DENND2B: variants seen among roughly 807,000 people sequenced by gnomAD.
The protein encoded by DENND2B is DENN domain-containing protein 2B.
DENND2B carries 32 observed loss-of-function variants against 116.0 expected under a neutral mutation model. That is an observed-to-expected ratio of 0.28 (90% confidence interval 0.21 to 0.37). The LOEUF is 0.37. Among genes scored for constraint, DENND2B ranks in the 10% least tolerant of loss-of-function variants. The probability of loss-of-function intolerance (pLI) is 1.00; values close to 1 mark genes in which losing one functional copy is unlikely to be tolerated. For synonymous variants in DENND2B, 588 were observed against 583.9 expected (o/e 1.01, Z -0.10); for missense variants, 1,276 against 1,477.7 (o/e 0.86, Z 2.24).
chr11:8,874,192 C>T (rs1333170506), upstream of DENND2B, among the ~76,000 whole-genome samples: 1 of 152,206 alleles, frequency 6.6e-6, no homozygotes, highest in Admixed American at 6.5e-5. Flanking sequence ...GGTCTTCTGT[C>T]AGTCTAATGA....
chr11:8,896,134 T>G (rs967994387), intron 1 of DENND2B, among the ~76,000 whole-genome samples: 2 of 152,138 alleles, frequency 1.3e-5, no homozygotes, highest in African/African-American at 4.8e-5. Context: ...GATATAAAAT[T>G]TTCTCTAGAA....
chr11:8,695,857 C>T, intron 18 of DENND2B: 1 of 436,012 alleles, frequency 2.3e-6, no homozygotes, highest in South Asian at 2.8e-5. Context: ...CTTCAGACAA[C>T]TCTACCATGT....
intron 4 of DENND2B, among the ~76,000 whole-genome samples, chr11:8,837,545 A>C (rs1203734460): frequency 6.6e-6 from 1 of 152,022 alleles, no homozygotes; most frequent in Non-Finnish European, 1.5e-5. Flanking sequence ...ATGGGGTGTC[A>C]TTCTGTTGGC....
chr11:8,783,537 T>A (rs2058606022), intron 1 of DENND2B, among the ~76,000 whole-genome samples: 1 of 152,196 alleles, frequency 6.6e-6, no homozygotes, highest in Admixed American at 6.5e-5. Flanking sequence ...TTAACACATA[T>A]GAAGAAGATC....
intron 3 of DENND2B, among the ~76,000 whole-genome samples, chr11:8,847,516 CAG>C (rs764153460): frequency 4.6e-4 from 70 of 152,040 alleles, no homozygotes; most frequent in Non-Finnish European, 8.8e-4. Context: ...GATCAGTAAA[CAG>C]AGAAGAATGA....
upstream of DENND2B, chr11:8,811,409 C>A: frequency 5.0e-6 from 2 of 398,142 alleles, no homozygotes; most frequent in Non-Finnish European, 8.9e-6. Context: ...ACAACCCAGA[C>A]GACAAACCTG....
intron 1 of DENND2B, among the ~76,000 whole-genome samples, chr11:8,796,898 T>C (rs1285982404): frequency 6.6e-6 from 1 of 152,178 alleles, no homozygotes; most frequent in Non-Finnish European, 1.5e-5. Context: ...CAGTTGTTTA[T>C]ATGGACTCGC....
chr11:8,774,839 T>C (rs1370524091), intron 1 of DENND2B, among the ~76,000 whole-genome samples: 2 of 151,846 alleles, frequency 1.3e-5, no homozygotes, highest in South Asian at 2.1e-4. Flanking sequence ...CTAGGAACCC[T>C]ATCTAGGTCT....
At chr11:8,810,794 T>C (rs1434752273), upstream of DENND2B, 29 of 141,870 alleles carry the variant, frequency 2.0e-4, no homozygotes, top group South Asian at 3.0e-3. Context: ...CTCTTTTTCT[T>C]TCTTTCTCAC....
chr11:8,763,520 G>A (rs1458909451), intron 1 of DENND2B, among the ~76,000 whole-genome samples: 2 of 151,360 alleles, frequency 1.3e-5, no homozygotes, highest in African/African-American at 4.9e-5. Context: ...GGCAAATTTT[G>A]GTATTTTACA....
chr11:8,711,945 G>C (rs557221720), intron 9 of DENND2B: 20 of 455,992 alleles, frequency 4.4e-5, no homozygotes, highest in African/African-American at 4.0e-4. Flanking sequence ...GCAGGTGTCT[G>C]GACAGACCTC....
At chr11:8,696,304 G>C in intron 18 of DENND2B, 123 bp downstream of exon 18, 1 of 1,409,008 alleles carries the variant, frequency 7.1e-7, no homozygotes, top group South Asian at 1.4e-5. Context: ...TTCTAACAGA[G>C]GTAAAGGGAT....
chr11:8,786,193 C>T (rs2134293896), intron 1 of DENND2B, among the ~76,000 whole-genome samples: 1 of 152,258 alleles, frequency 6.6e-6, no homozygotes, highest in East Asian at 1.9e-4. Context: ...GTGGTTTTCA[C>T]TAAGTTGCAA....
intron 2 of DENND2B, among the ~76,000 whole-genome samples, chr11:8,746,800 C>A (rs946577513): frequency 6.6e-6 from 1 of 152,062 alleles, no homozygotes; most frequent in Admixed American, 6.5e-5. Flanking sequence ...GCAGGAAGAT[C>A]CCAGGAGTGC....
chr11:8,855,364 CCT>C (rs926868262), intron 3 of DENND2B, among the ~76,000 whole-genome samples: 1 of 151,354 alleles, frequency 6.6e-6, no homozygotes, highest in African/African-American at 2.4e-5. Context: ...ATCTTATGTT[CCT>C]CTCTTTTATT....
intron 1 of DENND2B, among the ~76,000 whole-genome samples, chr11:8,782,321 C>G (rs1336559306): frequency 6.6e-6 from 1 of 152,116 alleles, no homozygotes; most frequent in Non-Finnish European, 1.5e-5. Flanking sequence ...TTTATGGACA[C>G]ATGTATGTAA....
chr11:8,726,280 G>A (rs1003346258), intron 3 of DENND2B, 71 bp from the exon 4 acceptor site: 13 of 1,540,240 alleles, frequency 8.4e-6, no homozygotes, highest in Non-Finnish European at 1.1e-5. Flanking sequence ...GAATGTCCAT[G>A]GCAACAGCAA....
intron 1 of DENND2B, among the ~76,000 whole-genome samples, chr11:8,910,446 T>G (rs1157060444): frequency 6.6e-6 from 1 of 151,902 alleles, no homozygotes; most frequent in African/African-American, 2.4e-5. Context: ...CAGGCTGGAG[T>G]GCAGTGGCGC....
intron 1 of DENND2B, among the ~76,000 whole-genome samples, chr11:8,759,414 G>A (rs1593259929): frequency 6.6e-6 from 1 of 152,270 alleles, no homozygotes; most frequent in Non-Finnish European, 1.5e-5. Flanking sequence ...GAGAGGAAAC[G>A]TAAACATTGC....
Sources: gnomAD v4.1 joint callset for allele counts (sites outside exome capture counted in the v4.1 genomes callset) on GRCh38, gnomAD v4.1.1 for gene constraint, MANE v1.5 for transcripts, NCBI Gene and HGNC (gene_info 2026-07-23, HGNC 2026-07-21) for gene names.